The following EYS variants were observed in gnomAD, a reference collection of about 807,000 sequenced individuals.
The protein encoded by EYS is protein eyes shut homolog.
In EYS, 250 loss-of-function variants were observed where a neutral mutation model predicts 282.1. The observed-to-expected ratio is 0.89, with a 90% CI of 0.80 to 0.98. The LOEUF (loss-of-function observed/expected upper bound fraction) is 0.98. Ranked by LOEUF, EYS falls within the 50% of genes least tolerant of loss-of-function variation. The probability of loss-of-function intolerance (pLI) is 0.00; values close to 1 mark genes in which losing one functional copy is unlikely to be tolerated. For missense variants in EYS, 4,016 were observed against 3,709.0 expected (o/e 1.08, Z -2.15); for synonymous variants, 1,355 against 1,282.9 (o/e 1.06, Z -1.20).
intron 33 of EYS, among the ~76,000 whole-genome samples, chr6:64,034,143 C>T (rs1287994261): frequency 6.6e-6 from 1 of 152,020 alleles, no homozygotes; most frequent in Non-Finnish European, 1.5e-5. Context: ...ATCCAGGGTC[C>T]AGTAAGTGTT....
intron 29 of EYS, among the ~76,000 whole-genome samples, chr6:64,386,717 A>G (rs1001296228): frequency 1.1e-4 from 16 of 152,172 alleles, no homozygotes; most frequent in African/African-American, 2.4e-5. Flanking sequence ...CTGGTCATTA[A>G]AATTCCAAAT....
At chr6:64,309,124 C>A (rs1769574194) in intron 29 of EYS, among the ~76,000 whole-genome samples, 1 of 152,016 alleles carries the variant, frequency 6.6e-6, no homozygotes, top group Non-Finnish European at 1.5e-5. Context: ...AAACTTAAAT[C>A]TGACATAGCT....
chr6:65,040,427 T>A (rs1208268428), intron 13 of EYS, among the ~76,000 whole-genome samples: 1 of 151,774 alleles, frequency 6.6e-6, no homozygotes, highest in Non-Finnish European at 1.5e-5. Flanking sequence ...GCCTAAATTT[T>A]CCTTTTTGAT....
intron 13 of EYS, among the ~76,000 whole-genome samples, chr6:65,008,843 G>A (rs1457417971): frequency 6.6e-6 from 1 of 152,112 alleles, no homozygotes; most frequent in African/African-American, 2.4e-5. Flanking sequence ...CACCGGTGCG[G>A]CCTTCTCAGT....
intron 1 of EYS, among the ~76,000 whole-genome samples, chr6:65,691,439 T>C (rs1209335589): frequency 1.3e-5 from 2 of 150,630 alleles, no homozygotes; most frequent in Middle Eastern, 3.4e-3. Context: ...GTTTGTTTTT[T>C]TACTGTAAAT....
chr6:63,954,183 A>G (rs1420820640), intron 35 of EYS, among the ~76,000 whole-genome samples: 1 of 151,894 alleles, frequency 6.6e-6, no homozygotes, highest in African/African-American at 2.4e-5. Flanking sequence ...CATTCACTCC[A>G]TTTCCCCATA....
chr6:65,000,865 T>C (rs550245488), intron 13 of EYS, among the ~76,000 whole-genome samples: 3 of 152,294 alleles, frequency 2.0e-5, no homozygotes, highest in African/African-American at 4.8e-5. Context: ...CACACACATA[T>C]ATGCAGTGAT....
intron 12 of EYS, among the ~76,000 whole-genome samples, chr6:65,121,723 C>CAGTGTATACTGTATACACTGTA (rs1452610476): frequency 6.6e-6 from 1 of 152,130 alleles, no homozygotes; most frequent in Non-Finnish European, 1.5e-5. Context: ...CTGTATTCTA[C>CAGTGTATACTGTATACACTGTA]TACTCTACAG....
At chr6:64,490,122 T>C (rs755654589) in intron 26 of EYS, among the ~76,000 whole-genome samples, 1 of 150,922 alleles carries the variant, frequency 6.6e-6, no homozygotes, top group Non-Finnish European at 1.5e-5. Context: ...AAGTGAACAA[T>C]AGGTATCCTT....
chr6:64,964,756 G>T (rs1770037544), intron 14 of EYS, among the ~76,000 whole-genome samples: 1 of 152,192 alleles, frequency 6.6e-6, no homozygotes, highest in East Asian at 1.9e-4. Context: ...TATAGGCTGG[G>T]TGCAGTTGCT....
chr6:65,141,649 G>GTCTGTCTATCTATCTA (rs1216509536), intron 12 of EYS, among the ~76,000 whole-genome samples: 16 of 131,326 alleles, frequency 1.2e-4, no homozygotes, highest in African/African-American at 4.9e-4. Context: ...CTGTCTGTCT[G>GTCTGTCTATCTATCTA]TCTATCTATC....
intron 35 of EYS, among the ~76,000 whole-genome samples, chr6:63,931,484 A>T (rs1271337147): frequency 6.6e-6 from 1 of 152,118 alleles, no homozygotes; most frequent in Non-Finnish European, 1.5e-5. Context: ...TTCTGACTCT[A>T]GGCAATGTAG....
At chr6:64,507,982 G>A (rs1777267163) in intron 26 of EYS, among the ~76,000 whole-genome samples, 1 of 152,176 alleles carries the variant, frequency 6.6e-6, no homozygotes, top group Admixed American at 6.5e-5. Flanking sequence ...GGAACGACAA[G>A]GTGTTCTGTA....
intron 33 of EYS, among the ~76,000 whole-genome samples, chr6:64,011,594 T>C (rs143259250): frequency 6.6e-6 from 1 of 152,170 alleles, no homozygotes; most frequent in African/African-American, 2.4e-5. Context: ...TAGTTTGTTT[T>C]TTTTTTTTCC....
At chr6:64,993,582 G>C (rs1408494212) in intron 14 of EYS, among the ~76,000 whole-genome samples, 1 of 113,230 alleles carries the variant, frequency 8.8e-6, no homozygotes, top group African/African-American at 3.4e-5. Context: ...CTTGTGGGGT[G>C]GGGGGAGGGG....
intron 36 of EYS, among the ~76,000 whole-genome samples, chr6:63,824,620 A>G (rs888141617): frequency 6.6e-6 from 1 of 152,180 alleles, no homozygotes; most frequent in Non-Finnish European, 1.5e-5. Flanking sequence ...TCCCGAGCAC[A>G]TACCTCCATT....
chr6:65,427,930 T>C (rs903091529), intron 5 of EYS, among the ~76,000 whole-genome samples: 3 of 152,048 alleles, frequency 2.0e-5, no homozygotes, highest in African/African-American at 4.8e-5. Flanking sequence ...TACAAAAGTA[T>C]ACATGATACA....
At chr6:64,378,904 G>A (rs1362527223) in intron 29 of EYS, among the ~76,000 whole-genome samples, 1 of 152,176 alleles carries the variant, frequency 6.6e-6, no homozygotes, top group Non-Finnish European at 1.5e-5. Context: ...TTAGCACTAA[G>A]AGGATTGGTT....
intron 16 of EYS, among the ~76,000 whole-genome samples, chr6:64,904,567 C>T (rs1257134917): frequency 6.6e-6 from 1 of 152,158 alleles, no homozygotes; most frequent in Non-Finnish European, 1.5e-5. Flanking sequence ...AGATTTTTCA[C>T]AAGTTAAAAA....
Sources: allele counts gnomAD v4.1 joint callset (sites outside exome capture counted in the v4.1 genomes callset), GRCh38; gene constraint gnomAD v4.1.1; transcripts MANE v1.5; gene names NCBI Gene and HGNC (gene_info 2026-07-23, HGNC 2026-07-21).